The following CDC42BPG variants were observed in gnomAD, a reference collection of about 807,000 sequenced individuals.
CDC42BPG encodes the protein serine/threonine-protein kinase MRCK gamma.
CDC42BPG carries 157 observed loss-of-function variants against 192.2 expected under a neutral mutation model. The ratio of observed to expected loss-of-function variants is 0.82; its 90% CI spans 0.72 to 0.93. CDC42BPG has a LOEUF of 0.93. CDC42BPG is among the 40% of genes least tolerant of loss of function. The probability of loss-of-function intolerance (pLI) is 0.00; values close to 1 mark genes in which losing one functional copy is unlikely to be tolerated. For synonymous variants in CDC42BPG, 981 were observed against 918.5 expected, an observed-to-expected ratio of 1.07 and a Z score of -1.23; for missense variants, 1,992 against 2,122.1, an observed-to-expected ratio of 0.94 and a Z score of 1.20.
At position 64,824,398 on chromosome 11, in the gene CDC42BPG, G is replaced by T; in HGVS notation, c.*75C>A. The T allele has an allele frequency of 1.9e-6, 2 of 1,042,846 alleles. No individual in the cohort carries two copies. Among genetic ancestry groups the T allele is most frequent in the Non-Finnish European group, 3.0e-6 (2 of 656,828 alleles). The allele number at this position is 1,042,846 out of a possible 1,614,324, so 64.6% of individuals were successfully genotyped here. A position where few individuals can be genotyped will look rare whatever the true frequency, so the allele number is the denominator to read the frequency against. ...ATTTCCATGTCCCGGACCAGCCGGAGTATGGCATTCCTCAAGCTCTTTGCT... is the reference window on the plus strand; with the variant it reads ...ATTTCCATGTCCCGGACCAGCCGGATTATGGCATTCCTCAAGCTCTTTGCT... On this transcript the variant is annotated 3_prime_UTR_variant, in exon 37 of 37. Transcript: ENST00000342711.
chr11:64,832,972 T>C lies in CDC42BPG; in HGVS notation c.2732-13A>G. ...AAGTAGCCGCAGGCTGTGGGGAAAG[T>C]GGAGAAGGTGGATGAGGTGAGGCTG... On this transcript the variant is annotated splice_polypyrimidine_tract_variant and intron_variant, in intron 24 of 36. Transcript: ENST00000342711. 1 of 1,516,472 alleles carries C rather than the reference T, an allele frequency of 6.6e-7. No homozygotes were observed. Among genetic ancestry groups the C allele is most frequent in the South Asian group, 1.3e-5 (1 of 77,772 alleles). The allele number at this position is 1,516,472 out of a possible 1,614,324, so 93.9% of individuals were successfully genotyped here. A position where few individuals can be genotyped will look rare whatever the true frequency, so the allele number is the denominator to read the frequency against.
At position 64,830,317 on chromosome 11, in the gene CDC42BPG, G is replaced by A. The variant is rs1592691063; in HGVS notation, c.3305-61C>T. On this transcript the variant is annotated intron_variant, in intron 28 of 36. Coordinates refer to ENST00000342711, the MANE Select transcript of CDC42BPG (RefSeq NM_017525.3). ...TCCCACTCAATGACACGGAGATTGG[G>A]CAGTCCACCTGCCCTGCTGTGCCTG... 26 of 1,370,840 alleles carry A rather than the reference G, an allele frequency of 1.9e-5. No homozygotes were observed. In the South Asian group the frequency reaches 3.0e-4, roughly 16 times the overall value. 84.9% of individuals were successfully genotyped at this position (1,370,840 alleles called of 1,614,324 possible).
Position 64,834,368 on chromosome 11 carries a change from C to A in CDC42BPG, c.2325-14G>T. On this transcript the variant is annotated splice_polypyrimidine_tract_variant and intron_variant, in intron 19 of 36. Transcript: ENST00000342711. ...TCCTGCAGACGGCTGGGGAGAATGG[C>A]AAGGGCTCGCCACTGGCCTCTGTGC... The A allele has an allele frequency of 6.4e-7, 1 of 1,563,414 alleles. No homozygotes were observed. The highest frequency in any genetic ancestry group is 8.6e-7 in the Non-Finnish European group (1 of 1,158,082).
Position 64,835,392 on chromosome 11 carries a change from G to T in CDC42BPG, c.1908C>A (p.Cys636Ter). 1 of 1,613,816 alleles carries T rather than the reference G, an allele frequency of 6.2e-7. No homozygotes were observed. ...HRPSGKEEAL[C>*]QLQEENRRLS... ...GCCTCCGGTTTTCCTCCTGCAGCTG[G>T]CACAGAGCCTCCTCCTTACCACTCG... Residue 636 changes from cysteine to a stop codon, truncating the protein, a stop_gained, in exon 16 of 37, where the codon TGC becomes TGA. Coordinates refer to ENST00000342711, the MANE Select transcript of CDC42BPG (RefSeq NM_017525.3). LOFTEE classifies it high-confidence loss of function.
chr11:64,841,778 C>T lies in CDC42BPG; in HGVS notation c.252+35G>A, dbSNP rs755656415. 3 of 1,612,796 alleles carry T rather than the reference C, an allele frequency of 1.9e-6. No individual in the cohort carries two copies. The East Asian group carries it at 6.7e-5, about 36-fold the overall frequency. On this transcript the variant is annotated intron_variant, in intron 2 of 36. Coordinates refer to ENST00000342711, the MANE Select transcript of CDC42BPG (RefSeq NM_017525.3). ...CGGGGTGAGCCCAGCCCGGTGTGAACACCTCCCCCCACCTACCCCAGGCCC... is the reference window on the plus strand; with the variant it reads ...CGGGGTGAGCCCAGCCCGGTGTGAATACCTCCCCCCACCTACCCCAGGCCC...
Position 64,826,812 on chromosome 11 carries a change from G to T in CDC42BPG, c.4390-18C>A. The stretch of plus-strand genomic sequence containing the variant: ...TCGGGAGCCTGTTGGGTGACAGTGC[G>T]GAGGGGCTGGGACTAGCAGGCACAA... On this transcript the variant is annotated intron_variant, in intron 34 of 36. Transcript: ENST00000342711. 6.7e-7 allele frequency: 1 copy of T among 1,481,756 alleles called. No individual in the cohort carries two copies. The highest frequency in any genetic ancestry group is 1.4e-5 in the South Asian group (1 of 72,162). 91.8% of individuals were successfully genotyped at this position (1,481,756 alleles called of 1,614,324 possible).
rs779151578 is a variant in CDC42BPG at position 64,829,897 on chromosome 11, C to A, written c.3541G>T (p.Val1181Leu). Residue 1181 changes from valine (V) to leucine (L), a missense_variant, in exon 30 of 37, where the codon GTG (valine) becomes TTG (leucine). Val to Leu is a conservative substitution (Grantham distance 32, BLOSUM62 1). Transcript: ENST00000342711. ...AKIPESRGCQ[V>L]LAAGSILQAR... Reference sequence around the variant, plus strand: ...TGCAGGATGCTTCCAGCTGCCAGCACCTGGCAGCCTCGAGACTCGGGGATC... The same window carrying A: ...TGCAGGATGCTTCCAGCTGCCAGCAACTGGCAGCCTCGAGACTCGGGGATC... The A allele has an allele frequency of 6.2e-7, 1 of 1,609,440 alleles. No homozygotes were observed. Among genetic ancestry groups the A allele is most frequent in the East Asian group, 2.2e-5 (1 of 44,850 alleles).
intron 30 of CDC42BPG, 70 bp downstream of exon 30, chr11:64,829,401 G>A (rs1942576222): frequency 6.4e-7 from 1 of 1,559,054 alleles, no homozygotes. Context: ...CATGAGTTGA[G>A]GCGGGACCCT....
intron 1 of CDC42BPG, among the ~76,000 whole-genome samples, chr11:64,842,562 G>T (rs181074415): frequency 2.9e-4 from 44 of 152,318 alleles, no homozygotes; most frequent in Non-Finnish European, 6.0e-4. Context: ...TTTCCCTGGT[G>T]CTAGCACTAG....
At chr11:64,836,570 C>T in intron 11 of CDC42BPG, 40 bp from the exon 12 acceptor site, 1 of 1,565,294 alleles carries the variant, frequency 6.4e-7, no homozygotes, top group Non-Finnish European at 8.8e-7. Context: ...TGCTGGCGGC[C>T]CCAGCCTCTC....
intron 8 of CDC42BPG, 79 bp from the exon 9 acceptor site, chr11:64,838,241 AG>A: frequency 6.3e-6 from 7 of 1,118,468 alleles, no homozygotes; most frequent in Non-Finnish European, 7.7e-6. Flanking sequence ...CCCTGGGACC[AG>A]GTGCGACCAC....
chr11:64,826,318 G>T (rs1169042055), intron 36 of CDC42BPG, 152 bp downstream of exon 36: 2 of 647,634 alleles, frequency 3.1e-6, no homozygotes, highest in African/African-American at 3.6e-5. Flanking sequence ...CCACTGGTGG[G>T]GTGAGACAGG....
Position 64,835,515 on chromosome 11 carries a change from T to C in CDC42BPG, c.1865A>G (p.Gln622Arg). Residue 622 changes from glutamine to arginine, a missense_variant, in exon 15 of 37, where the codon CAG (glutamine) becomes CGG (arginine). Around this residue, in one of 2 missense-constraint regions of CDC42BPG, gnomAD observed 1,656 missense variants for 1,844.3 expected, o/e 0.90. Coordinates refer to ENST00000342711, the MANE Select transcript of CDC42BPG (RefSeq NM_017525.3). ...CCTGGCTCACCTGTGGCTGTGGGCC[T>C]GCTCCAGCTGCTCTCGCAGGGCGGC... ...EVAALREQLE[Q>R]AHSHRPSGKE... 2.5e-6 allele frequency: 4 copies of C among 1,597,770 alleles called. No homozygotes were observed. Among genetic ancestry groups the C allele is most frequent in the Non-Finnish European group, 3.4e-6 (4 of 1,174,702 alleles).
chr11:64,836,468 G>C lies in CDC42BPG; in HGVS notation c.1447C>G (p.Gln483Glu). 6.2e-7 allele frequency: 1 copy of C among 1,613,566 alleles called. No homozygotes were observed. Among genetic ancestry groups the C allele is most frequent in the Non-Finnish European group, 8.5e-7 (1 of 1,179,970 alleles). Reference sequence around the variant, plus strand: ...AGCTCCTGCCGTAGGTCACTGTCCTGACCTGGGCTACCAGCTGGGGGCCCA... The same window carrying C: ...AGCTCCTGCCGTAGGTCACTGTCCTCACCTGGGCTACCAGCTGGGGGCCCA... ...TDGPPAGSPG[Q>E]DSDLRQELDR... is the part of the protein sequence containing the mutation. The change falls in exon 12 of 37, where the codon CAG becomes GAG. Residue 483 changes from glutamine (Q) to glutamate (E), a missense_variant. Physicochemically the swap from Gln to Glu is conservative, Grantham distance 29. Coordinates refer to ENST00000342711, the MANE Select transcript of CDC42BPG (RefSeq NM_017525.3).
rs1942320516 is a variant in CDC42BPG at position 64,823,634 on chromosome 11, G to A, written c.*839C>T. The stretch of plus-strand genomic sequence containing the variant: ...TGGGAAGGGCCAGAGTGTGCCCGGA[G>A]ACCCTCCAGTGGCCCCCACTGGGTA... On this transcript the variant is annotated 3_prime_UTR_variant, in exon 37 of 37. Coordinates refer to ENST00000342711, the MANE Select transcript of CDC42BPG (RefSeq NM_017525.3). 1 of 152,022 alleles carries A rather than the reference G, an allele frequency of 6.6e-6. No homozygotes were observed. Among genetic ancestry groups the A allele is most frequent in the African/African-American group, 2.4e-5 (1 of 41,352 alleles). The allele number at this position is 152,022 out of a possible 1,614,324, so 9.4% of individuals were successfully genotyped here.
intron 30 of CDC42BPG, 117 bp downstream of exon 30, chr11:64,829,354 G>A: frequency 2.3e-6 from 3 of 1,326,944 alleles, no homozygotes; most frequent in African/African-American, 1.5e-5. Context: ...TGGGCTGGAG[G>A]ATGCAAACTG....
intron 16 of CDC42BPG, 68 bp from the exon 17 acceptor site, chr11:64,835,221 G>A (rs753626764): frequency 1.9e-6 from 3 of 1,602,082 alleles, no homozygotes; most frequent in Non-Finnish European, 2.5e-6. Context: ...CTCCCTGTAG[G>A]TACCCCAGCA....
intron 1 of CDC42BPG, among the ~76,000 whole-genome samples, chr11:64,843,766 C>T (rs1943383512): frequency 6.6e-6 from 1 of 152,310 alleles, no homozygotes; most frequent in Admixed American, 6.5e-5. Flanking sequence ...CCGGCCCCGG[C>T]GCCACAGCCC....
rs774435322 is a variant in CDC42BPG, at chr11:64,832,893, A to T, written c.2798T>A (p.Leu933His). The part of the protein sequence containing the change: ...QAPPCPVPPD[L>H]LRTALGVHPE... ...GTGTACTCCCAGGGCTGTGCGGAGG[A>T]GGTCAGGGGGCACGGGGCAGGGTGG... The change falls in exon 25 of 37, where the codon CTC (leucine) becomes CAC (histidine). Residue 933 changes from leucine to histidine, a missense_variant. By Grantham distance (99) the Leu-to-His change is moderately conservative (BLOSUM62 -3). Around this residue, in one of 2 missense-constraint regions of CDC42BPG, gnomAD observed 1,656 missense variants for 1,844.3 expected, o/e 0.90. Transcript: ENST00000342711. 1.0e-5 allele frequency: 16 copies of T among 1,547,834 alleles called. No homozygotes were observed. In the East Asian group the frequency reaches 2.0e-4, roughly 19 times the overall value.
Sources: allele counts gnomAD v4.1 joint callset (sites outside exome capture counted in the v4.1 genomes callset), GRCh38; gene constraint gnomAD v4.1.1; regional missense constraint gnomAD v4.1.1; transcripts MANE v1.5; gene names NCBI Gene and HGNC (gene_info 2026-07-23, HGNC 2026-07-21).